DAB1: variants seen among roughly 807,000 people sequenced by gnomAD.
DAB1 encodes the protein disabled homolog 1.
A neutral mutation model predicts 64.6 loss-of-function variants in DAB1; 15 were observed. That is an observed-to-expected ratio of 0.23 (90% CI 0.16 to 0.36). DAB1 has a LOEUF of 0.36. DAB1 is among the 10% of genes least tolerant of loss of function. DAB1 has a pLI of 1.00. For synonymous variants in DAB1, 235 were observed against 251.9 expected (o/e 0.93, Z 0.64); for missense variants, 596 against 706.7 (o/e 0.84, Z 1.78).
intron 5 of DAB1, among the ~76,000 whole-genome samples, chr1:57,957,655 G>T (rs550149573): frequency 6.6e-6 from 1 of 152,076 alleles, no homozygotes; most frequent in Non-Finnish European, 1.5e-5. Context: ...GGACCACACC[G>T]CAGTTCAGAG....
At chr1:58,166,565 T>A (rs559902880) in intron 4 of DAB1, among the ~76,000 whole-genome samples, 1 of 152,282 alleles carries the variant, frequency 6.6e-6, no homozygotes, top group Non-Finnish European at 1.5e-5. Context: ...TTGAAGTGTT[T>A]CCACTTCCTT....
At chr1:58,222,462 T>A (rs1276764160) in intron 4 of DAB1, among the ~76,000 whole-genome samples, 1 of 152,242 alleles carries the variant, frequency 6.6e-6, no homozygotes, top group African/African-American at 2.4e-5. Context: ...GAACTGACTT[T>A]CTACATTATT....
intron 2 of DAB1, among the ~76,000 whole-genome samples, chr1:57,240,833 C>A (rs960089722): frequency 6.6e-6 from 1 of 152,086 alleles, no homozygotes; most frequent in Admixed American, 6.6e-5. Flanking sequence ...TAAGAAACAC[C>A]CTTACTATCA....
At chr1:57,933,120 T>C (rs932459906) in intron 5 of DAB1, among the ~76,000 whole-genome samples, 1 of 152,196 alleles carries the variant, frequency 6.6e-6, no homozygotes, top group African/African-American at 2.4e-5. Context: ...GAGTCTCCCT[T>C]TGAATGGTAC....
chr1:58,097,589 G>A (rs1420042767), intron 5 of DAB1, among the ~76,000 whole-genome samples: 1 of 151,986 alleles, frequency 6.6e-6, no homozygotes, highest in East Asian at 1.9e-4. Context: ...GAGTTCATCA[G>A]GTAAATTGAG....
intron 5 of DAB1, among the ~76,000 whole-genome samples, chr1:58,124,094 G>A (rs138132277): frequency 6.6e-6 from 1 of 152,064 alleles, no homozygotes; most frequent in Non-Finnish European, 1.5e-5. Flanking sequence ...GTTTGAGTAT[G>A]TGTGCGTGCA....
rs932266480 is a variant in DAB1 at position 57,770,178 on chromosome 1, A to T, written n.551+113821T>A. On this transcript the variant is annotated intron_variant and non_coding_transcript_variant, in intron 6 of 20. Transcript: ENST00000485760. ...TCTCAATCTAGAAGAGCCTTGGTAT[A>T]CTAATCTGTGCAGTAGATATGATAA... 5.3e-4 allele frequency among the ~76,000 whole-genome samples: 80 copies of T among 152,292 alleles called. 1 individual carries two copies. Among genetic ancestry groups the T allele is most frequent in the African/African-American group, 1.8e-3 (73 of 41,580 alleles).
chr1:57,467,448 T>C (rs1424151172), intron 7 of DAB1, among the ~76,000 whole-genome samples: 1 of 152,210 alleles, frequency 6.6e-6, no homozygotes, highest in Non-Finnish European at 1.5e-5. Flanking sequence ...TCTCAACTAC[T>C]ATCCCCTAAA....
At chr1:57,826,321 T>C (rs938577608) in exon 2 of DAB1, 1 of 152,208 alleles carries the variant, frequency 6.6e-6, no homozygotes, top group Admixed American at 6.5e-5. Context: ...TATGAGTACA[T>C]CCTTGTGACA....
chr1:57,324,183 T>C (rs1172617637), intron 1 of DAB1, among the ~76,000 whole-genome samples: 1 of 152,182 alleles, frequency 6.6e-6, no homozygotes, highest in African/African-American at 2.4e-5. Context: ...TGTTCTAAAT[T>C]TGGGCTCCAC....
chr1:57,589,253 T>C (rs567787439), intron 7 of DAB1, among the ~76,000 whole-genome samples: 2 of 152,142 alleles, frequency 1.3e-5, no homozygotes, highest in South Asian at 4.1e-4. Flanking sequence ...AAACCATATG[T>C]TTATCATTTC....
chr1:57,685,326 A>C (rs867532054), intron 6 of DAB1, among the ~76,000 whole-genome samples: 1 of 151,996 alleles, frequency 6.6e-6, no homozygotes, highest in South Asian at 2.1e-4. Flanking sequence ...ATGGTATTAC[A>C]TAATGATAAA....
intron 2 of DAB1, among the ~76,000 whole-genome samples, chr1:57,213,665 A>C (rs1167162489): frequency 1.3e-5 from 2 of 152,222 alleles, no homozygotes; most frequent in Non-Finnish European, 2.9e-5. Context: ...AAACATCAGA[A>C]CTGCACAACA....
intron 3 of DAB1, among the ~76,000 whole-genome samples, chr1:58,352,163 C>T (rs1398207973): frequency 2.6e-5 from 4 of 151,908 alleles, no homozygotes; most frequent in Admixed American, 1.3e-4. Flanking sequence ...CTACAGTGCA[C>T]ATGCATAGGA....
chr1:57,388,769 C>T lies in DAB1; in HGVS notation c.-137+35161G>A, dbSNP rs531041197. Among the ~76,000 whole-genome samples the T allele has an allele frequency of 3.3e-5, 5 of 152,286 alleles. No individual in the cohort carries two copies. The South Asian group carries it at 6.2e-4, about 19-fold the overall frequency. Reference sequence around the variant, plus strand: ...TCCCCTTCTGGTTTTCTTCTTATCCCTCTTGTTTACCCCACATTACTTTAT... The same window carrying T: ...TCCCCTTCTGGTTTTCTTCTTATCCTTCTTGTTTACCCCACATTACTTTAT... On this transcript the variant is annotated intron_variant, in intron 1 of 14. Transcript: ENST00000371236.
chr1:57,441,878 G>A (rs553029057), intron 7 of DAB1, among the ~76,000 whole-genome samples: 3 of 152,242 alleles, frequency 2.0e-5, no homozygotes, highest in Admixed American at 2.0e-4. Context: ...TTTCCTCAGT[G>A]GCTGAACTAA....
Position 58,381,062 on chromosome 1 carries a change from CAT to C in DAB1, n.258-37661_258-37660del, listed in dbSNP as rs1292611456. Among the ~76,000 whole-genome samples the C allele has an allele frequency of 6.6e-5, 10 of 152,292 alleles. No homozygotes were observed. In the East Asian group the frequency reaches 1.5e-3, roughly 24 times the overall value. On this transcript the variant is annotated intron_variant and non_coding_transcript_variant, in intron 3 of 20. Transcript: ENST00000485760. Reference sequence around the variant, plus strand: ...TGCAGGAACAGAAAACCAAACACCACATGTTTTCACTTATAATTGGGAACTAA... The same window carrying C: ...TGCAGGAACAGAAAACCAAACACCACGTTTTCACTTATAATTGGGAACTAA...
chr1:57,514,517 C>T (rs1644442200), intron 7 of DAB1, among the ~76,000 whole-genome samples: 1 of 152,070 alleles, frequency 6.6e-6, no homozygotes, highest in Non-Finnish European at 1.5e-5. Flanking sequence ...AGTGACTTTG[C>T]CTTTTGTTCA....
At chr1:57,285,272 T>A (rs1436525430) in intron 2 of DAB1, among the ~76,000 whole-genome samples, 1 of 152,044 alleles carries the variant, frequency 6.6e-6, no homozygotes, top group Non-Finnish European at 1.5e-5. Flanking sequence ...TCTTTCTTTC[T>A]TTTTTTCTTT....
Sources: gnomAD v4.1 joint callset for allele counts (sites outside exome capture counted in the v4.1 genomes callset) on GRCh38, gnomAD v4.1.1 for gene constraint, MANE v1.5 for transcripts, NCBI Gene and HGNC (gene_info 2026-07-23, HGNC 2026-07-21) for gene names.